The following CFAP47 variants were observed in gnomAD, a reference collection of about 807,000 sequenced individuals.
CFAP47 encodes the protein cilia and flagella associated protein 47.
Under a neutral mutation model 148.1 loss-of-function variants are expected in CFAP47, and 29 were observed. The ratio of observed to expected loss-of-function variants is 0.20; its 90% CI spans 0.15 to 0.27. The LOEUF (loss-of-function observed/expected upper bound fraction) is 0.27, where lower values mean the gene tolerates loss of function less well. Ranked by LOEUF, CFAP47 falls within the 10% of genes least tolerant of loss-of-function variation. The pLI, the probability that CFAP47 is intolerant of heterozygous loss-of-function variation, is 1.00. For missense variants in CFAP47, 1,872 were observed against 1,697.5 expected, an observed-to-expected ratio of 1.10 and a Z score of -1.81; for synonymous variants, 664 against 577.3, an observed-to-expected ratio of 1.15 and a Z score of -2.15.
intron 40 of CFAP47, among the ~76,000 whole-genome samples, chrX:36,186,942 A>T (rs1602035943): frequency 9.0e-6 from 1 of 110,650 alleles, no homozygotes; most frequent in East Asian, 2.8e-4. Context: ...ATTCAACAAT[A>T]GTTTATGAGC....
chrX:36,038,092 G>A (rs985763580), intron 24 of CFAP47, among the ~76,000 whole-genome samples: 1 of 111,548 alleles, frequency 9.0e-6, no homozygotes, highest in Non-Finnish European at 1.9e-5. Flanking sequence ...CTTCAGTACA[G>A]AGAGCACTAG....
At chrX:36,278,079 C>T (rs1941037120) in intron 49 of CFAP47, among the ~76,000 whole-genome samples, 1 of 112,276 alleles carries the variant, frequency 8.9e-6, no homozygotes, top group Non-Finnish European at 1.9e-5. Context: ...TGTCTGTTCT[C>T]AGAGCTCAAA....
chrX:36,334,575 C>T (rs1941589638), intron 57 of CFAP47, among the ~76,000 whole-genome samples: 1 of 111,058 alleles, frequency 9.0e-6, no homozygotes, highest in African/African-American at 3.3e-5. Flanking sequence ...ATTGATGACA[C>T]CTGAAGAGTT....
chrX:36,127,120 G>C (rs1938854108), intron 33 of CFAP47, among the ~76,000 whole-genome samples: 1 of 111,685 alleles, frequency 9.0e-6, no homozygotes, highest in Non-Finnish European at 1.9e-5. Context: ...TGTCAATTTT[G>C]GTTTTTGTTG....
intron 30 of CFAP47, among the ~76,000 whole-genome samples, chrX:36,094,191 C>T (rs1391763422): frequency 9.1e-6 from 1 of 110,203 alleles, no homozygotes; most frequent in Non-Finnish European, 1.9e-5. Flanking sequence ...TAGGCCTGTA[C>T]ATTTGATTTT....
chrX:36,356,184 T>A (rs782337314), intron 60 of CFAP47, among the ~76,000 whole-genome samples: 99 of 111,559 alleles, frequency 8.9e-4, no homozygotes, highest in Non-Finnish European at 1.2e-3. Context: ...TTATTTTTCA[T>A]GATGAAAAAC....
chrX:36,214,596 A>G (rs1422706542), intron 45 of CFAP47, among the ~76,000 whole-genome samples: 1 of 111,268 alleles, frequency 9.0e-6, no homozygotes, highest in Non-Finnish European at 1.9e-5. Flanking sequence ...TTATATCCTT[A>G]TTCTATAAAT....
chrX:36,205,358 A>G (rs782812997), intron 45 of CFAP47, among the ~76,000 whole-genome samples: 1 of 112,156 alleles, frequency 8.9e-6, no homozygotes, highest in South Asian at 3.7e-4. Flanking sequence ...TGAAACTTGC[A>G]GGCTTACAAA....
intron 15 of CFAP47, among the ~76,000 whole-genome samples, chrX:35,976,949 A>G (rs1257166702): frequency 8.9e-6 from 1 of 111,816 alleles, no homozygotes; most frequent in Non-Finnish European, 1.9e-5. Context: ...TGTAACATGA[A>G]CAATCGTAAC....
intron 50 of CFAP47, among the ~76,000 whole-genome samples, chrX:36,281,979 A>T (rs1402455244): frequency 9.0e-6 from 1 of 111,307 alleles, no homozygotes; most frequent in Non-Finnish European, 1.9e-5. Context: ...AAGATAATGA[A>T]AAAGGGCATT....
intron 49 of CFAP47, among the ~76,000 whole-genome samples, chrX:36,261,010 G>A (rs1555999908): frequency 1.8e-5 from 2 of 111,206 alleles, no homozygotes; most frequent in African/African-American, 6.6e-5. Flanking sequence ...AGATCAGATA[G>A]CTGTAGGGGT....
chrX:36,340,676 A>G (rs1007998909), intron 57 of CFAP47, among the ~76,000 whole-genome samples: 2 of 111,780 alleles, frequency 1.8e-5, no homozygotes, highest in Non-Finnish European at 3.8e-5. Context: ...TCCAAATACA[A>G]TCACATTAAG....
At chrX:36,364,558 GACCTT>G (rs1556019867) in intron 61 of CFAP47, among the ~76,000 whole-genome samples, 1 of 109,634 alleles carries the variant, frequency 9.1e-6, no homozygotes, top group Non-Finnish European at 1.9e-5. Flanking sequence ...TCTAAGCCAA[GACCTT>G]ACAGACATAA....
At chrX:36,240,440 T>C (rs938862879) in intron 48 of CFAP47, among the ~76,000 whole-genome samples, 5 of 111,311 alleles carry the variant, frequency 4.5e-5, no homozygotes, top group Admixed American at 1.9e-4. Flanking sequence ...AATATAGTTA[T>C]AAAAATAATG....
chrX:36,329,147 A>G (rs1941543744), intron 57 of CFAP47, among the ~76,000 whole-genome samples: 1 of 111,831 alleles, frequency 8.9e-6, no homozygotes, highest in South Asian at 3.7e-4. Flanking sequence ...TACTAATATT[A>G]CAGTGATGAA....
intron 2 of CFAP47, among the ~76,000 whole-genome samples, chrX:35,935,625 A>G (rs975595838): frequency 2.1e-5 from 2 of 97,073 alleles, no homozygotes; most frequent in African/African-American, 4.0e-5. Flanking sequence ...TGTAGGAGGG[A>G]TGATAGGTGG....
At chrX:36,056,380 T>C (rs980867698) in intron 26 of CFAP47, among the ~76,000 whole-genome samples, 2 of 111,994 alleles carry the variant, frequency 1.8e-5, no homozygotes, top group Non-Finnish European at 3.8e-5. Flanking sequence ...TTTCAAGTAA[T>C]GCCTGAAGAA....
chrX:36,187,205 G>A (rs1489080627), intron 40 of CFAP47, among the ~76,000 whole-genome samples: 1 of 111,826 alleles, frequency 8.9e-6, no homozygotes, highest in African/African-American at 3.2e-5. Context: ...AAATATCTAG[G>A]TCTGCAATGT....
chrX:36,078,302 G>A (rs1937905217), intron 29 of CFAP47, among the ~76,000 whole-genome samples: 2 of 110,777 alleles, frequency 1.8e-5, no homozygotes, highest in African/African-American at 6.6e-5. Context: ...TGACAGTGGG[G>A]TGTTAAAGTC....
Sources: gnomAD v4.1 joint callset for allele counts (sites outside exome capture counted in the v4.1 genomes callset) on GRCh38, gnomAD v4.1.1 for gene constraint, MANE v1.5 for transcripts, NCBI Gene and HGNC (gene_info 2026-07-23, HGNC 2026-07-21) for gene names.